The following CAGE1 variants were observed in gnomAD, a reference collection of about 807,000 sequenced individuals.
CAGE1 encodes the protein cancer antigen 1, also known as cancer-associated gene 1 protein.
In CAGE1, 66 loss-of-function variants were observed where a neutral mutation model predicts 94.9. That is an observed-to-expected ratio of 0.70 (90% CI 0.57 to 0.85). CAGE1 has a LOEUF of 0.85. CAGE1 is among the 40% of genes least tolerant of loss of function. The pLI is 0.00. For missense variants in CAGE1, 865 were observed against 950.4 expected (o/e 0.91, Z 1.18); for synonymous variants, 319 against 321.0 (o/e 0.99, Z 0.07).
At chr6:7,385,531 C>T (rs764944307) in intron 3 of CAGE1, among the ~76,000 whole-genome samples, 1 of 152,186 alleles carries the variant, frequency 6.6e-6, no homozygotes, top group Non-Finnish European at 1.5e-5. Context: ...GAGACTTGAT[C>T]ACGGCTCATT....
Position 7,356,062 on chromosome 6 carries a change from T to C in CAGE1, c.2261A>G (p.Asp754Gly). 6.5e-7 allele frequency: 1 copy of C among 1,549,886 alleles called. No individual in the cohort carries two copies. The highest frequency in any genetic ancestry group is 8.7e-7 in the Non-Finnish European group (1 of 1,145,200). Residue 754 changes from aspartate (D) to glycine (G), a missense_variant, in exon 10 of 14, where the codon GAC (aspartate) becomes GGC (glycine). Physicochemically the swap from Asp to Gly is moderately conservative, Grantham distance 94 (BLOSUM62 -1). Coordinates refer to ENST00000502583, the MANE Select transcript of CAGE1 (RefSeq NM_001170692.2). ...GTTGCCTAAATGTCTTTGATACTTGTCATTTTCTTCAATGAGTCTGTTGCA... is the reference window on the plus strand; with the variant it reads ...GTTGCCTAAATGTCTTTGATACTTGCCATTTTCTTCAATGAGTCTGTTGCA... ...NHCNRLIEENDKYQRHLGNLI... is the reference protein window; with the variant it reads ...NHCNRLIEENGKYQRHLGNLI...
At chr6:7,338,376 C>T (rs1168553339) in intron 11 of CAGE1, among the ~76,000 whole-genome samples, 1 of 152,120 alleles carries the variant, frequency 6.6e-6, no homozygotes, top group Non-Finnish European at 1.5e-5. Context: ...TGTTAGTAGG[C>T]TTTTTGTAGG....
rs1185135997 is a variant in CAGE1 at position 7,365,798 on chromosome 6, G to A, written c.2085+6C>T. 8.7e-6 allele frequency: 13 copies of A among 1,489,752 alleles called. No individual in the cohort carries two copies. Among genetic ancestry groups the A allele is most frequent in the Non-Finnish European group, 1.2e-5 (13 of 1,099,612 alleles). 92.3% of individuals were successfully genotyped at this position (1,489,752 alleles called of 1,614,324 possible). A position where few individuals can be genotyped will look rare whatever the true frequency, so the allele number is the denominator to read the frequency against. ...AAAGATAGTACGTAGTAAATATTAAGCTCACCTTAATAGCATGATCTTGAA... is the reference window on the plus strand; with the variant it reads ...AAAGATAGTACGTAGTAAATATTAAACTCACCTTAATAGCATGATCTTGAA... On this transcript the variant is annotated splice_donor_region_variant and intron_variant, in intron 8 of 13. Coordinates refer to ENST00000502583, the MANE Select transcript of CAGE1 (RefSeq NM_001170692.2).
At chr6:7,341,277 G>A in intron 11 of CAGE1, 4 of 664,688 alleles carry the variant, frequency 6.0e-6, no homozygotes, top group South Asian at 4.4e-5. Context: ...TCTCCTTGTG[G>A]TGGGTGTAAA....
intron 9 of CAGE1, among the ~76,000 whole-genome samples, chr6:7,356,999 G>T (rs1340536700): frequency 6.6e-6 from 1 of 151,980 alleles, no homozygotes; most frequent in African/African-American, 2.4e-5. Flanking sequence ...GTTTCACCAT[G>T]TTGGCCAGGC....
chr6:7,343,934 T>G (rs1251474711), intron 11 of CAGE1, among the ~76,000 whole-genome samples: 1 of 152,126 alleles, frequency 6.6e-6, no homozygotes, highest in Non-Finnish European at 1.5e-5. Flanking sequence ...AAGGAAGAAA[T>G]GGGATAGATT....
At chr6:7,352,286 G>A (rs1759797629) in intron 11 of CAGE1, among the ~76,000 whole-genome samples, 1 of 94,708 alleles carries the variant, frequency 1.1e-5, no homozygotes, top group African/African-American at 4.6e-5. Context: ...TTTTACAATA[G>A]CTGCAAAAAA....
chr6:7,375,500 C>T (rs1174071471), intron 4 of CAGE1, among the ~76,000 whole-genome samples: 1 of 152,052 alleles, frequency 6.6e-6, no homozygotes, highest in African/African-American at 2.4e-5. Context: ...ACTTTGGGAG[C>T]CCAAGGTGAG....
chr6:7,380,280 A>T (rs1278009543), intron 3 of CAGE1, among the ~76,000 whole-genome samples: 1 of 152,178 alleles, frequency 6.6e-6, no homozygotes, highest in Non-Finnish European at 1.5e-5. Flanking sequence ...GTGAGTGATT[A>T]ATATATAGTA....
Position 7,326,771 on chromosome 6 carries a change from G to T in CAGE1, c.*87C>A. On this transcript the variant is annotated 3_prime_UTR_variant, in exon 14 of 14. Coordinates refer to ENST00000502583, the MANE Select transcript of CAGE1 (RefSeq NM_001170692.2). Reference sequence around the variant, plus strand: ...TTATACAGATTTTAATATATCATCTGCATGGATTGATTTGGCTAGCATATG... The same window carrying T: ...TTATACAGATTTTAATATATCATCTTCATGGATTGATTTGGCTAGCATATG... The T allele has an allele frequency of 1.1e-6, 1 of 903,696 alleles. No homozygotes were observed. The highest frequency in any genetic ancestry group is 1.8e-6 in the Non-Finnish European group (1 of 541,900). 56.0% of individuals were successfully genotyped at this position (903,696 alleles called of 1,614,324 possible).
At position 7,389,326 on chromosome 6, in the gene CAGE1, T is replaced by A. The variant is rs1271575597; in HGVS notation, c.-148A>T. The A allele has an allele frequency of 2.2e-6, 1 of 456,150 alleles. No homozygotes were observed. Among genetic ancestry groups the A allele is most frequent in the Admixed American group, 2.4e-5 (1 of 42,548 alleles). The allele number at this position is 456,150 out of a possible 1,614,324, so 28.3% of individuals were successfully genotyped here. A position where few individuals can be genotyped will look rare whatever the true frequency, so the allele number is the denominator to read the frequency against. ...CTTGGACCCACGCTACGGACCTGGC[T>A]CTCCCTCCCTCTGCACCGGGTTTTG... On this transcript the variant is annotated 5_prime_UTR_variant, in exon 1 of 14. Coordinates refer to ENST00000502583, the MANE Select transcript of CAGE1 (RefSeq NM_001170692.2).
At chr6:7,385,743 AAGTT>A in intron 3 of CAGE1, 38 bp downstream of exon 3, 1 of 1,262,392 alleles carries the variant, frequency 7.9e-7, no homozygotes, top group Non-Finnish European at 1.1e-6. Context: ...ACACAAAAAA[AAGTT>A]TCTCTCTTTT....
chr6:7,388,431 G>T (rs1761209340), intron 1 of CAGE1, among the ~76,000 whole-genome samples: 1 of 152,182 alleles, frequency 6.6e-6, no homozygotes, highest in South Asian at 2.1e-4. Flanking sequence ...AGCACTTGGT[G>T]ATTTCGTTTA....
intron 7 of CAGE1, among the ~76,000 whole-genome samples, chr6:7,367,278 A>ATTTTTTTTTTTTTTTTTTTTTTT (rs70978961): frequency 3.6e-5 from 4 of 111,218 alleles, no homozygotes; most frequent in South Asian, 3.0e-4. Flanking sequence ...TATTTGGGGG[A>ATTTTTTTTTTTTTTTTTTTTTTT]TTTTTTTTTT....
chr6:7,341,106 C>G (rs912848814), intron 11 of CAGE1: 1 of 545,886 alleles, frequency 1.8e-6, no homozygotes, highest in Non-Finnish European at 3.7e-6. Context: ...ATGCCTTTAG[C>G]TTGGCAGTGA....
At chr6:7,333,817 G>A (rs111881726) in intron 12 of CAGE1, among the ~76,000 whole-genome samples, 18 of 151,742 alleles carry the variant, frequency 1.2e-4, no homozygotes, top group Admixed American at 9.8e-4. Flanking sequence ...ACAGGCACGT[G>A]CCACCATGCC....
intron 12 of CAGE1, chr6:7,331,308 A>G: frequency 1.0e-6 from 1 of 979,640 alleles, no homozygotes. Context: ...CAAAATCAAG[A>G]AAGCAACCAT....
At chr6:7,386,896 T>C (rs978694677) in intron 2 of CAGE1, 83 bp downstream of exon 2, 164 of 936,958 alleles carry the variant, frequency 1.8e-4, no homozygotes, top group Non-Finnish European at 2.7e-4. Context: ...TTGTTCCTTA[T>C]AGTTTTGAAG....
chr6:7,375,529 G>A (rs1178980382), intron 4 of CAGE1, among the ~76,000 whole-genome samples: 5 of 152,164 alleles, frequency 3.3e-5, no homozygotes, highest in African/African-American at 4.8e-5. Flanking sequence ...TTGAGACCAG[G>A]AGTTGGAGAC....
Sources: allele counts gnomAD v4.1 joint callset (sites outside exome capture counted in the v4.1 genomes callset), GRCh38; gene constraint gnomAD v4.1.1; transcripts MANE v1.5; gene names NCBI Gene and HGNC (gene_info 2026-07-23, HGNC 2026-07-21).